Variants in GOLGA6L2 observed in about 807,000 individuals in gnomAD.
GOLGA6L2 encodes golgin subfamily A member 6-like protein 2.
GOLGA6L2 carries 30 observed loss-of-function variants against 35.9 expected under a neutral mutation model. That is an observed-to-expected ratio of 0.83 (90% CI 0.62 to 1.13). The LOEUF is 1.13. Ranked by LOEUF, GOLGA6L2 falls within the 50% of genes most tolerant of loss-of-function variation. GOLGA6L2 has a pLI of 0.00. For missense variants in GOLGA6L2, 821 were observed against 973.4 expected (o/e 0.84, Z 2.08); for synonymous variants, 297 against 344.0 (o/e 0.86, Z 1.51).
rs74627979 is a variant in GOLGA6L2 at position 23,439,447 on chromosome 15, CTTTTT to C, written c.*293_*297del. On this transcript the variant is annotated 3_prime_UTR_variant, in exon 8 of 8. Coordinates refer to ENST00000567107, the MANE Select transcript of GOLGA6L2 (RefSeq NM_001304388.2). Reference sequence around the variant, plus strand: ...CACAATTTAAAGTAAATTTTCTTTTCTTTTTTTTTTTTTTTTTCAAGTTTGTGCTC... The same window carrying C: ...CACAATTTAAAGTAAATTTTCTTTTCTTTTTTTTTTTTCAAGTTTGTGCTC... 13 of 417,582 alleles carry C rather than the reference CTTTTT, an allele frequency of 3.1e-5. No individual in the cohort carries two copies. Among genetic ancestry groups the C allele is most frequent in the East Asian group, 1.3e-4 (2 of 15,860 alleles). The allele number at this position is 417,582 out of a possible 1,614,324, so 25.9% of individuals were successfully genotyped here.
chr15:23,443,197 G>T (rs11856020), intron 5 of GOLGA6L2, among the ~76,000 whole-genome samples: 5,472 of 152,116 alleles, frequency 0.036, 332 homozygotes, highest in African/African-American at 0.12. Flanking sequence ...TGGGGGTAGG[G>T]GCACAGATAA....
rs2070692670 is a variant in GOLGA6L2, at chr15:23,441,562, G to A, written c.913C>T (p.Gln305Ter). ...MWRQEERLRE[Q>*]EGKMREQEEK... The stretch of plus-strand genomic sequence containing the variant: ...TCCTGCTCCCGCATCTTCCCCTCCT[G>A]CTCCCGCAGTCTCTCCTCCTGTCTC... Residue 305 changes from glutamine (Q) to a stop codon, truncating the protein, a stop_gained, in exon 8 of 8, where the codon CAG becomes TAG. Transcript: ENST00000567107. LOFTEE classifies it low-confidence loss of function (END_TRUNC). 1.3e-6 allele frequency: 2 copies of A among 1,481,584 alleles called. No homozygotes were observed. Among genetic ancestry groups the A allele is most frequent in the Admixed American group, 2.1e-5 (1 of 47,980 alleles). The allele number at this position is 1,481,584 out of a possible 1,614,324, so 91.8% of individuals were successfully genotyped here.
In GOLGA6L2 at chr15:23,441,592, T is replaced by C. The variant is rs1296492959; in HGVS notation, c.883A>G (p.Met295Val). ...CGCAGTCTCTCCTCCTGTCTCCACA[T>C]CTTCTCCTCCTGCTTCCGTATCTTC... ...EKKIRKQEEK[M>V]WRQEERLREQ... Residue 295 changes from methionine to valine, a missense_variant, in exon 8 of 8, where the codon ATG (methionine) becomes GTG (valine). By Grantham distance (21) the Met-to-Val change is conservative. Around this residue, in one of 7 missense-constraint regions of GOLGA6L2, gnomAD observed 614 missense variants for 632.3 expected, o/e 0.97. Coordinates refer to ENST00000567107, the MANE Select transcript of GOLGA6L2 (RefSeq NM_001304388.2). 1.0e-5 allele frequency: 16 copies of C among 1,549,350 alleles called. No homozygotes were observed. The East Asian group carries it at 3.2e-4, about 31-fold the overall frequency.
chr15:23,442,162 G>C lies in GOLGA6L2; in HGVS notation c.651-42C>G, dbSNP rs192382492. Reference sequence around the variant, plus strand: ...TAGAGAAAGGAATGAACGAAGAACAGAAAGGACTGCTTTGGTGATCAACCC... The same window carrying C: ...TAGAGAAAGGAATGAACGAAGAACACAAAGGACTGCTTTGGTGATCAACCC... On this transcript the variant is annotated intron_variant, in intron 6 of 7. Coordinates refer to ENST00000567107, the MANE Select transcript of GOLGA6L2 (RefSeq NM_001304388.2). 269 of 1,562,838 alleles carry C rather than the reference G, an allele frequency of 1.7e-4. 1 individual carries two copies. The highest frequency in any genetic ancestry group is 2.1e-4 in the Non-Finnish European group (245 of 1,159,342).
In GOLGA6L2 at chr15:23,441,177, TGCATCTTCTTCTCCTCCC is replaced by T. The variant is rs752078561; in HGVS notation, c.1280_1297del (p.Arg427_Met432del). 9.2e-6 allele frequency: 14 copies of T among 1,524,806 alleles called. No individual in the cohort carries two copies. The highest frequency in any genetic ancestry group is 4.4e-6 in the Non-Finnish European group (5 of 1,144,124). 94.5% of individuals were successfully genotyped at this position (1,524,806 alleles called of 1,614,324 possible). On this transcript the variant is annotated inframe_deletion, in exon 8 of 8. Transcript: ENST00000567107. ...GTCCCGCGTCTTCTTCTCCTGCTCC[TGCATCTTCTTCTCCTCCC>T]GCATCTTCTCCACCTGCTCCCACAT...
Position 23,444,532 on chromosome 15 carries a change from G to T in GOLGA6L2, c.214-32C>A, listed in dbSNP as rs956374639. On this transcript the variant is annotated intron_variant, in intron 2 of 7. Transcript: ENST00000567107. The stretch of plus-strand genomic sequence containing the variant: ...GGAGAGTCAAAGGAAGGTGACTGAG[G>T]GTGGCCCCCTGGACTCTATTCCCCA... The T allele has an allele frequency of 2.5e-6, 4 of 1,596,880 alleles. No individual in the cohort carries two copies. The African/African-American group carries it at 5.3e-5, about 21-fold the overall frequency.
chr15:23,442,665 T>G (rs2344891), intron 5 of GOLGA6L2, among the ~76,000 whole-genome samples, 157 bp from the exon 6 acceptor site: 150,450 of 151,846 alleles, frequency 0.99, 74,552 homozygotes, highest in East Asian at 1. Flanking sequence ...GGTCTCATTT[T>G]TTTTTCTTTT....
chr15:23,441,315 T>C lies in GOLGA6L2; in HGVS notation c.1160A>G (p.Glu387Gly). ...RLWEQEKQMR[E>G]QEQKMRDQEE... ...TTGGTCCCGCATCTTCTGCTCCTGC[T>C]CCCGCATCTGCTTCTCCTGCTCCCA... Residue 387 changes from glutamate (E) to glycine (G), a missense_variant, in exon 8 of 8, where the codon GAG becomes GGG. Transcript: ENST00000567107. 6.5e-7 allele frequency: 1 copy of C among 1,538,598 alleles called. No individual in the cohort carries two copies. The highest frequency in any genetic ancestry group is 8.7e-7 in the Non-Finnish European group (1 of 1,146,532).
chr15:23,443,377 TACAC>T (rs59048780), intron 5 of GOLGA6L2, among the ~76,000 whole-genome samples: 2,309 of 149,170 alleles, frequency 0.015, 32 homozygotes, highest in African/African-American at 0.04. Flanking sequence ...CCATAATACG[TACAC>T]ACACACACAC....
intron 5 of GOLGA6L2, among the ~76,000 whole-genome samples, chr15:23,443,305 C>G (rs1257066668): frequency 1.3e-5 from 2 of 152,170 alleles, no homozygotes; most frequent in African/African-American, 4.8e-5. Context: ...CTACCCCACA[C>G]ACACTGTTCC....
At chr15:23,442,336 C>A in intron 6 of GOLGA6L2, 114 bp downstream of exon 6, 1 of 1,298,152 alleles carries the variant, frequency 7.7e-7, no homozygotes, top group Non-Finnish European at 1.1e-6. Flanking sequence ...CTTCCCTGTG[C>A]ACACATGTAA....
At chr15:23,441,704 G>A in intron 7 of GOLGA6L2, 22 bp from the exon 8 acceptor site, 1 of 1,464,254 alleles carries the variant, frequency 6.8e-7, no homozygotes, top group Admixed American at 2.7e-5. Flanking sequence ...ATAGACTTAT[G>A]AACTAGCTAT....
At chr15:23,445,823 A>G (rs1400784337) in intron 1 of GOLGA6L2, among the ~76,000 whole-genome samples, 2 of 152,202 alleles carry the variant, frequency 1.3e-5, no homozygotes, top group African/African-American at 2.4e-5. Flanking sequence ...ACATCAATGT[A>G]TCCTCAGGGC....
Position 23,439,570 on chromosome 15 carries a change from CTT to C in GOLGA6L2, c.*173_*174del, listed in dbSNP as rs1337891879. On this transcript the variant is annotated 3_prime_UTR_variant, in exon 8 of 8. Transcript: ENST00000567107. The stretch of plus-strand genomic sequence containing the variant: ...AGATATTGATGATCTTCATCTTTCT[CTT>C]GTCTCCTCGGTAGAAGAATGGGATG... 3 of 1,527,818 alleles carry C rather than the reference CTT, an allele frequency of 2.0e-6. No individual in the cohort carries two copies. Among genetic ancestry groups the C allele is most frequent in the Middle Eastern group, 1.7e-4 (1 of 5,956 alleles). 94.6% of individuals were successfully genotyped at this position (1,527,818 alleles called of 1,614,324 possible). A position where few individuals can be genotyped will look rare whatever the true frequency, so the allele number is the denominator to read the frequency against.
chr15:23,441,425 C>A lies in GOLGA6L2; in HGVS notation c.1050G>T (p.Met350Ile). 1.4e-6 allele frequency: 2 copies of A among 1,430,516 alleles called. No individual in the cohort carries two copies. Among genetic ancestry groups the A allele is most frequent in the African/African-American group, 1.4e-5 (1 of 70,250 alleles). 88.6% of individuals were successfully genotyped at this position (1,430,516 alleles called of 1,614,324 possible). A position where few individuals can be genotyped will look rare whatever the true frequency, so the allele number is the denominator to read the frequency against. Residue 350 changes from methionine to isoleucine, a missense_variant, in exon 8 of 8, where the codon ATG (methionine) becomes ATT (isoleucine). By Grantham distance (10) the Met-to-Ile change is conservative. Transcript: ENST00000567107. The part of the protein sequence containing the change: ...QKKLREQEEQ[M>I]QEQEEKMWEQ... ...CCCACATCTTCTCCTCCTGCTCCTG[C>A]ATCTGCTCCTCCTGCTCCCGCAGCT...
At chr15:23,445,631 C>A (rs2141086175) in intron 1 of GOLGA6L2, among the ~76,000 whole-genome samples, 193 bp from the exon 2 acceptor site, 1 of 152,262 alleles carries the variant, frequency 6.6e-6, no homozygotes, top group South Asian at 2.1e-4. Context: ...GGAACTTAAA[C>A]TCAGTCTTCT....
In GOLGA6L2 at chr15:23,442,702, G is replaced by T. The variant is rs549288530; in HGVS notation, c.592-194C>A. 1.3e-4 allele frequency among the ~76,000 whole-genome samples: 20 copies of T among 151,630 alleles called. No individual in the cohort carries two copies. In the South Asian group the frequency reaches 4.2e-3, roughly 32 times the overall value. On this transcript the variant is annotated intron_variant, in intron 5 of 7. Coordinates refer to ENST00000567107, the MANE Select transcript of GOLGA6L2 (RefSeq NM_001304388.2). ...TTTTTTCTCCTTTTCTTCTTTTAGA[G>T]ATGGAGTTTTGCTCTTGTTGCCCAG...
chr15:23,441,807 G>T, intron 7 of GOLGA6L2, 125 bp from the exon 8 acceptor site: 1 of 1,357,080 alleles, frequency 7.4e-7, no homozygotes, highest in African/African-American at 1.5e-5. Context: ...TCCCAGGCAG[G>T]GCCCCAAATT....
intron 5 of GOLGA6L2, among the ~76,000 whole-genome samples, chr15:23,443,401 C>G (rs566196388): frequency 6.6e-6 from 1 of 151,824 alleles, no homozygotes; most frequent in Middle Eastern, 3.4e-3. Flanking sequence ...CACACACACA[C>G]GCACATGCAC....
Sources: allele counts gnomAD v4.1 joint callset (sites outside exome capture counted in the v4.1 genomes callset), GRCh38; gene constraint gnomAD v4.1.1; regional missense constraint gnomAD v4.1.1; transcripts MANE v1.5; gene names NCBI Gene and HGNC (gene_info 2026-07-23, HGNC 2026-07-21).